The following TNPO3 variants were observed in gnomAD, a reference collection of about 807,000 sequenced individuals.
The protein encoded by TNPO3 is transportin 3, also known as transportin-3.
In TNPO3, 65 loss-of-function variants were observed where a neutral mutation model predicts 122.8. The observed-to-expected ratio is 0.53, with a 90% CI of 0.43 to 0.65. The LOEUF is 0.65. Ranked by LOEUF, TNPO3 falls within the 30% of genes least tolerant of loss-of-function variation. The pLI is 0.00. For synonymous variants in TNPO3, 372 were observed against 411.2 expected, an observed-to-expected ratio of 0.90 and a Z score of 1.15; for missense variants, 850 against 1,136.7, an observed-to-expected ratio of 0.75 and a Z score of 3.63.
At chr7:128,978,042 T>C (rs1799252331) in intron 16 of TNPO3, among the ~76,000 whole-genome samples, 4 of 151,448 alleles carry the variant, frequency 2.6e-5, no homozygotes, top group Admixed American at 2.6e-4. Context: ...ACAGCATGGG[T>C]ACAAAATTTC....
In TNPO3 at chr7:128,984,272, G is replaced by A. The variant is rs1563093407; in HGVS notation, c.1691-13C>T. The A allele has an allele frequency of 5.0e-6, 8 of 1,591,694 alleles. No homozygotes were observed. The East Asian group carries it at 1.8e-4, about 36-fold the overall frequency. On this transcript the variant is annotated splice_polypyrimidine_tract_variant and intron_variant, in intron 12 of 22. Transcript: ENST00000265388. ...ACAAGTGCTGTCCCTGAAAAACAAA[G>A]GAAGATACAAATGAAAAATAAACGC...
intron 4 of TNPO3, 72 bp from the exon 5 acceptor site, chr7:129,005,231 C>T (rs1802435753): frequency 7.2e-7 from 1 of 1,386,880 alleles, no homozygotes; most frequent in Non-Finnish European, 9.8e-7. Flanking sequence ...AATCACCTTA[C>T]AAGTATAATA....
intron 9 of TNPO3, among the ~76,000 whole-genome samples, chr7:128,992,402 G>T (rs1354235731): frequency 3.3e-5 from 5 of 151,928 alleles, no homozygotes; most frequent in Non-Finnish European, 5.9e-5. Context: ...GATAATAACT[G>T]ATAAATACAT....
chr7:129,050,985 T>G (rs1367571923), intron 1 of TNPO3, among the ~76,000 whole-genome samples: 1 of 152,100 alleles, frequency 6.6e-6, no homozygotes. Flanking sequence ...CCAACAGACC[T>G]AGCGAACCAG....
At chr7:129,013,022 T>C (rs139938899) in intron 4 of TNPO3, among the ~76,000 whole-genome samples, 46 of 152,332 alleles carry the variant, frequency 3.0e-4, no homozygotes, top group African/African-American at 1.0e-3. Context: ...AAAAAATGTG[T>C]ATTAGCTCAT....
chr7:128,992,236 T>C, intron 9 of TNPO3, 146 bp from the exon 10 acceptor site: 1 of 479,174 alleles, frequency 2.1e-6, no homozygotes, highest in East Asian at 3.5e-5. Context: ...ATTATTTTCT[T>C]TTTTTTATAT....
chr7:129,054,592 G>A (rs925102459), intron 1 of TNPO3, 59 bp downstream of exon 1: 27 of 1,603,126 alleles, frequency 1.7e-5, no homozygotes, highest in Non-Finnish European at 2.2e-5. Flanking sequence ...CTCCCCCGGA[G>A]CCTAGGTTCC....
chr7:129,017,111 T>C, intron 2 of TNPO3, 55 bp from the exon 3 acceptor site: 2 of 1,462,550 alleles, frequency 1.4e-6, no homozygotes, highest in Non-Finnish European at 1.9e-6. Context: ...AGGGTCACAA[T>C]AAATATTAAT....
chr7:128,960,192 C>T (rs988226621), intron 21 of TNPO3, among the ~76,000 whole-genome samples: 11 of 152,176 alleles, frequency 7.2e-5, no homozygotes, highest in Non-Finnish European at 1.3e-4. Context: ...AACAAACCTA[C>T]TGCACTGCCA....
chr7:129,053,713 G>A (rs1809096209), intron 1 of TNPO3, among the ~76,000 whole-genome samples: 1 of 152,094 alleles, frequency 6.6e-6, no homozygotes, highest in African/African-American at 2.4e-5. Context: ...GTAAAGGTGA[G>A]TATTTTGTCA....
At chr7:129,014,394 A>T (rs900545429) in intron 4 of TNPO3, among the ~76,000 whole-genome samples, 1 of 152,094 alleles carries the variant, frequency 6.6e-6, no homozygotes, top group African/African-American at 2.4e-5. Context: ...ATGGTGGCGC[A>T]CACCTGTAGT....
At chr7:129,031,792 G>A (rs563792093) in intron 1 of TNPO3, among the ~76,000 whole-genome samples, 22 of 152,136 alleles carry the variant, frequency 1.4e-4, no homozygotes, top group African/African-American at 3.4e-4. Context: ...AAAAACCCTC[G>A]ATAAAATACC....
At chr7:129,010,458 T>C (rs1045446686) in intron 4 of TNPO3, among the ~76,000 whole-genome samples, 1 of 152,140 alleles carries the variant, frequency 6.6e-6, no homozygotes, top group Non-Finnish European at 1.5e-5. Context: ...ATAAACCACA[T>C]TGCCTGGCCC....
intron 1 of TNPO3, among the ~76,000 whole-genome samples, chr7:129,050,381 C>CA (rs35638855): frequency 0.17 from 5,868 of 35,400 alleles, 628 homozygotes; most frequent in Non-Finnish European, 0.2. Context: ...GACTCTGTCT[C>CA]AAAAAAAAAA....
chr7:128,969,763 G>T (rs1046142585), intron 20 of TNPO3, among the ~76,000 whole-genome samples: 1 of 152,200 alleles, frequency 6.6e-6, no homozygotes, highest in Non-Finnish European at 1.5e-5. Context: ...GTATCACCAA[G>T]AAATAATACA....
chr7:129,008,718 T>C (rs1239510313), intron 4 of TNPO3, among the ~76,000 whole-genome samples: 2 of 152,194 alleles, frequency 1.3e-5, no homozygotes, highest in African/African-American at 2.4e-5. Context: ...GATTTCTCTT[T>C]AAGAGCTGAT....
At chr7:129,003,025 G>C (rs2150385324) in intron 5 of TNPO3, among the ~76,000 whole-genome samples, 1 of 125,614 alleles carries the variant, frequency 8.0e-6, no homozygotes, top group African/African-American at 3.0e-5. Flanking sequence ...CGGCGACAGA[G>C]CGAGACTCCC....
chr7:129,025,681 A>T (rs923649347), intron 1 of TNPO3, among the ~76,000 whole-genome samples: 2 of 119,654 alleles, frequency 1.7e-5, no homozygotes, highest in Non-Finnish European at 3.6e-5. Context: ...CCAAAGTGCC[A>T]GGATTACAGG....
chr7:129,007,836 T>C (rs1200814145), intron 4 of TNPO3, among the ~76,000 whole-genome samples: 2 of 152,154 alleles, frequency 1.3e-5, no homozygotes, highest in Non-Finnish European at 2.9e-5. Flanking sequence ...ACAGAGTAAA[T>C]ATCCAAGTAT....
Sources: gnomAD v4.1 joint callset for allele counts (sites outside exome capture counted in the v4.1 genomes callset) on GRCh38, gnomAD v4.1.1 for gene constraint, MANE v1.5 for transcripts, NCBI Gene and HGNC (gene_info 2026-07-23, HGNC 2026-07-21) for gene names.